The following HAS2 variants were observed in gnomAD, a reference collection of about 807,000 sequenced individuals.
The protein encoded by HAS2 is HA synthase 2.
In HAS2, 16 loss-of-function variants were observed where a neutral mutation model predicts 51.6. The observed-to-expected ratio is 0.31, with a 90% CI of 0.21 to 0.47. The LOEUF is 0.47. Among genes scored for constraint, HAS2 ranks in the 20% least tolerant of loss-of-function variants. The pLI, the probability that HAS2 is intolerant of heterozygous loss-of-function variation, is 1.00. For missense variants in HAS2, 361 were observed against 662.6 expected, an observed-to-expected ratio of 0.54 and a Z score of 5.00; for synonymous variants, 228 against 235.5, an observed-to-expected ratio of 0.97 and a Z score of 0.29.
chr8:121,637,195 C>G (rs1281068681), intron 1 of HAS2, among the ~76,000 whole-genome samples: 1 of 152,054 alleles, frequency 6.6e-6, no homozygotes, highest in Non-Finnish European at 1.5e-5. Flanking sequence ...ACACTTTTAA[C>G]TCATTTTTTA....
chr8:121,632,151 T>G (rs1485431934), intron 1 of HAS2, among the ~76,000 whole-genome samples: 1 of 152,224 alleles, frequency 6.6e-6, no homozygotes, highest in Non-Finnish European at 1.5e-5. Flanking sequence ...ACACAGCATC[T>G]TGGTACAGAC....
intron 1 of HAS2, among the ~76,000 whole-genome samples, 190 bp from the exon 2 acceptor site, chr8:121,629,530 T>G (rs11784137): frequency 0.19 from 29,210 of 152,106 alleles, 2,894 homozygotes; most frequent in Middle Eastern, 0.3. Flanking sequence ...AGGATGCCCT[T>G]CTAGCATACC....
chr8:121,637,734 G>A (rs1201837415), intron 1 of HAS2, among the ~76,000 whole-genome samples: 1 of 152,196 alleles, frequency 6.6e-6, no homozygotes, highest in Admixed American at 6.5e-5. Flanking sequence ...TACACAGATT[G>A]CTGCTAGAAG....
At chr8:121,618,869 T>G (rs1283941947) in intron 2 of HAS2, among the ~76,000 whole-genome samples, 2 of 151,956 alleles carry the variant, frequency 1.3e-5, no homozygotes, top group African/African-American at 4.8e-5. Flanking sequence ...TTAACAGTCC[T>G]GCAAACCACT....
chr8:121,619,082 A>C (rs558734729), intron 2 of HAS2, among the ~76,000 whole-genome samples: 14 of 152,258 alleles, frequency 9.2e-5, no homozygotes, highest in African/African-American at 3.4e-4. Flanking sequence ...CAACATTTTT[A>C]AAAGCATCTA....
chr8:121,621,753 C>T (rs1486129138), intron 2 of HAS2, among the ~76,000 whole-genome samples: 1 of 152,196 alleles, frequency 6.6e-6, no homozygotes, highest in Admixed American at 6.5e-5. Flanking sequence ...ATAAAAATCT[C>T]CTGTAGAAAT....
At chr8:121,637,390 C>T (rs949157572) in intron 1 of HAS2, among the ~76,000 whole-genome samples, 7 of 130,754 alleles carry the variant, frequency 5.4e-5, no homozygotes, top group South Asian at 2.4e-4. Context: ...TCAAAATAGA[C>T]TTTTTTTTTT....
chr8:121,617,358 A>G (rs1374468949), intron 2 of HAS2, 152 bp from the exon 3 acceptor site: 1 of 584,618 alleles, frequency 1.7e-6, no homozygotes, highest in South Asian at 2.2e-5. Context: ...AGGCCTTGTT[A>G]TATCATGGCC....
chr8:121,614,163 A>T lies in HAS2; in HGVS notation c.1605T>A (p.Asn535Lys), dbSNP rs759188639. 33 of 1,614,042 alleles carry T rather than the reference A, an allele frequency of 2.0e-5. 1 individual carries two copies. The Admixed American group carries it at 5.5e-4, about 27-fold the overall frequency. The change falls in exon 4 of 4, where the codon AAT becomes AAA. Residue 535 changes from asparagine (N) to lysine (K), a missense_variant. Around this residue, in one of 5 missense-constraint regions of HAS2, gnomAD observed 61 missense variants for 73.1 expected, o/e 0.84. Coordinates refer to ENST00000303924, the MANE Select transcript of HAS2 (RefSeq NM_005328.3). This position sits in a 1 kb window ranked among gnomAD's most constrained non-coding sequence, Gnocchi z 7.2. ...GTCCCTTCTTCCGCCTGCCACACTT[A>T]TTGATGAGAACTACATACAGCGTCA... ...MLLTLYVVLI[N>K]KCGRRKKGQQ...
intron 2 of HAS2, among the ~76,000 whole-genome samples, chr8:121,625,905 A>G (rs1302050415): frequency 6.6e-6 from 1 of 151,930 alleles, no homozygotes; most frequent in Non-Finnish European, 1.5e-5. Flanking sequence ...CAGCATCATC[A>G]GATAAATTTG....
At chr8:121,625,485 T>C (rs1812834429) in intron 2 of HAS2, among the ~76,000 whole-genome samples, 3 of 151,790 alleles carry the variant, frequency 2.0e-5, no homozygotes, top group Admixed American at 6.6e-5. Context: ...TGAAAATCTT[T>C]GTCACTCTTA....
intron 2 of HAS2, among the ~76,000 whole-genome samples, chr8:121,626,324 T>C (rs956019988): frequency 2.0e-5 from 3 of 152,156 alleles, no homozygotes; most frequent in Admixed American, 6.5e-5. Context: ...TAATAGGCTA[T>C]GAGAGCAATA....
chr8:121,615,068 A>G, intron 3 of HAS2, 30 bp from the exon 4 acceptor site: 1 of 1,512,584 alleles, frequency 6.6e-7, no homozygotes, highest in Non-Finnish European at 9.0e-7. Flanking sequence ...AGTAATAGGT[A>G]AGCTTTAGCT....
chr8:121,637,813 G>A (rs890442030), intron 1 of HAS2, among the ~76,000 whole-genome samples: 34 of 152,174 alleles, frequency 2.2e-4, no homozygotes, highest in African/African-American at 6.8e-4. Flanking sequence ...CCTCCACTCT[G>A]TTGGCATACC....
chr8:121,635,573 C>T (rs1252247830), intron 1 of HAS2, among the ~76,000 whole-genome samples: 5 of 152,108 alleles, frequency 3.3e-5, no homozygotes, highest in South Asian at 4.1e-4. Flanking sequence ...TCAGACAAAC[C>T]GCTTGAGGGT....
At chr8:121,630,403 A>C (rs549354379) in intron 1 of HAS2, among the ~76,000 whole-genome samples, 1 of 152,344 alleles carries the variant, frequency 6.6e-6, no homozygotes, top group East Asian at 1.9e-4. Flanking sequence ...CATTTTTCCC[A>C]AAACATTTGT....
chr8:121,641,363 G>C lies in HAS2; in HGVS notation c.-511C>G, dbSNP rs1306149404. On this transcript the variant is annotated 5_prime_UTR_variant, in exon 1 of 4. Coordinates refer to ENST00000303924, the MANE Select transcript of HAS2 (RefSeq NM_005328.3). ...AATGGGCTGCTCGAAGCCAGGACTG[G>C]GTAATTCTTTCCAGACGTCTTGACT... 1 of 151,772 alleles carries C rather than the reference G, an allele frequency of 6.6e-6. No individual in the cohort carries two copies. Among genetic ancestry groups the C allele is most frequent in the Non-Finnish European group, 1.5e-5 (1 of 68,050 alleles). The allele number at this position is 151,772 out of a possible 1,614,324, so 9.4% of individuals were successfully genotyped here. A position where few individuals can be genotyped will look rare whatever the true frequency, so the allele number is the denominator to read the frequency against.
intron 2 of HAS2, among the ~76,000 whole-genome samples, chr8:121,623,496 A>G (rs1302153459): frequency 6.6e-6 from 1 of 152,196 alleles, no homozygotes; most frequent in African/African-American, 2.4e-5. Flanking sequence ...TCTGGGGGGA[A>G]AAGGCAGATT....
At chr8:121,638,991 TA>T (rs879542352) in intron 1 of HAS2, among the ~76,000 whole-genome samples, 74 of 152,224 alleles carry the variant, frequency 4.9e-4, no homozygotes, top group Admixed American at 4.6e-4. Context: ...TTGACCTTTT[TA>T]AAATAACCTT....
Sources: allele counts gnomAD v4.1 joint callset (sites outside exome capture counted in the v4.1 genomes callset), GRCh38; gene constraint gnomAD v4.1.1; regional missense constraint gnomAD v4.1.1; non-coding constraint Gnocchi (gnomAD v3.1); transcripts MANE v1.5; gene names NCBI Gene and HGNC (gene_info 2026-07-23, HGNC 2026-07-21).